ARHGAP10: variants seen among roughly 807,000 people sequenced by gnomAD.
ARHGAP10 encodes the protein Rho GTPase activating protein 10, also known as rho GTPase-activating protein 10.
A neutral mutation model predicts 108.6 loss-of-function variants in ARHGAP10; 87 were observed. The ratio of observed to expected loss-of-function variants is 0.80; its 90% CI spans 0.67 to 0.96. The LOEUF is 0.96. Among genes scored for constraint, ARHGAP10 ranks in the 40% least tolerant of loss-of-function variants. ARHGAP10 has a pLI of 0.00. For missense variants in ARHGAP10, 939 were observed against 954.5 expected (o/e 0.98, Z 0.21); for synonymous variants, 347 against 341.1 (o/e 1.02, Z -0.19).
intron 1 of ARHGAP10, among the ~76,000 whole-genome samples, chr4:147,791,978 T>G (rs1731143728): frequency 6.6e-6 from 1 of 152,236 alleles, no homozygotes; most frequent in Non-Finnish European, 1.5e-5. Flanking sequence ...GTGAACATTC[T>G]TATACATGTC....
chr4:147,765,281 A>C (rs1229963411), intron 1 of ARHGAP10, among the ~76,000 whole-genome samples: 1 of 148,568 alleles, frequency 6.7e-6, no homozygotes, highest in Non-Finnish European at 1.5e-5. Flanking sequence ...ATACCTGGAA[A>C]TATAAAGTAC....
At chr4:147,769,765 A>G (rs1161996477) in intron 1 of ARHGAP10, among the ~76,000 whole-genome samples, 1 of 152,150 alleles carries the variant, frequency 6.6e-6, no homozygotes, top group Non-Finnish European at 1.5e-5. Context: ...TTTTCAGATA[A>G]GAAACTATAG....
intron 1 of ARHGAP10, among the ~76,000 whole-genome samples, chr4:147,814,096 C>G (rs1200573682): frequency 6.6e-6 from 1 of 152,134 alleles, no homozygotes; most frequent in Non-Finnish European, 1.5e-5. Flanking sequence ...GGTGATTTCT[C>G]TCAGATCTAG....
chr4:147,817,673 C>T (rs921300997), intron 1 of ARHGAP10, among the ~76,000 whole-genome samples: 4 of 152,284 alleles, frequency 2.6e-5, no homozygotes, highest in Middle Eastern at 3.4e-3. Context: ...GATCAAGACA[C>T]AAAAATTCAA....
At chr4:147,939,086 A>G (rs1350192640) in intron 13 of ARHGAP10, among the ~76,000 whole-genome samples, 2 of 152,190 alleles carry the variant, frequency 1.3e-5, no homozygotes, top group African/African-American at 4.8e-5. Context: ...CCTTAATGCT[A>G]CTCAGTTTGC....
chr4:147,994,137 G>GA (rs1175215387), intron 18 of ARHGAP10, among the ~76,000 whole-genome samples: 1 of 152,340 alleles, frequency 6.6e-6, no homozygotes, highest in East Asian at 1.9e-4. Flanking sequence ...ACTGTCCCAA[G>GA]AAAAACAAGG....
At chr4:147,900,993 A>G (rs951974789) in intron 10 of ARHGAP10, among the ~76,000 whole-genome samples, 2 of 152,166 alleles carry the variant, frequency 1.3e-5, no homozygotes, top group African/African-American at 4.8e-5. Flanking sequence ...GTTCTTTACT[A>G]TTCTGAGATT....
intron 11 of ARHGAP10, among the ~76,000 whole-genome samples, chr4:147,909,450 C>A (rs1214477769): frequency 6.6e-6 from 1 of 152,182 alleles, no homozygotes; most frequent in African/African-American, 2.4e-5. Flanking sequence ...GATGGCCTAT[C>A]CAGGGGCTCT....
intron 1 of ARHGAP10, among the ~76,000 whole-genome samples, chr4:147,748,067 G>A (rs969884144): frequency 6.6e-6 from 1 of 152,168 alleles, no homozygotes; most frequent in African/African-American, 2.4e-5. Context: ...TGTTCGTAGT[G>A]CTGAGGTTGA....
At chr4:147,989,884 T>C (rs1740204055) in intron 18 of ARHGAP10, among the ~76,000 whole-genome samples, 2 of 152,334 alleles carry the variant, frequency 1.3e-5, no homozygotes, top group Non-Finnish European at 1.5e-5. Context: ...GTGATAAGTG[T>C]CCATGAAATC....
At chr4:147,937,910 T>G (rs1738017997) in intron 13 of ARHGAP10, among the ~76,000 whole-genome samples, 1 of 152,088 alleles carries the variant, frequency 6.6e-6, no homozygotes, top group South Asian at 2.1e-4. Flanking sequence ...ACCTGTGAGG[T>G]GGAGGTTGCA....
rs1736657499 is a variant in ARHGAP10 at position 147,909,730 on chromosome 4, A to G, written c.1117-2A>G. On this transcript the variant is annotated splice_acceptor_variant, in intron 11 of 22. Coordinates refer to ENST00000336498, the MANE Select transcript of ARHGAP10 (RefSeq NM_024605.4). LOFTEE classifies it high-confidence loss of function. Reference sequence around the variant, plus strand: ...TTCTGTTTTTCCATTCTCTTTTATTAGCTGTCCCATAGTTTTAATACAGCC... The same window carrying G: ...TTCTGTTTTTCCATTCTCTTTTATTGGCTGTCCCATAGTTTTAATACAGCC... The G allele has an allele frequency of 4.3e-6, 7 of 1,610,558 alleles. No individual in the cohort carries two copies. The East Asian group carries it at 1.6e-4, about 36-fold the overall frequency.
chr4:148,044,137 A>G (rs1728772775), intron 19 of ARHGAP10, among the ~76,000 whole-genome samples: 1 of 152,168 alleles, frequency 6.6e-6, no homozygotes, highest in African/African-American at 2.4e-5. Flanking sequence ...AGGAAGGAAG[A>G]GAGAACTCTC....
chr4:148,046,644 C>T (rs1323206886), intron 19 of ARHGAP10, among the ~76,000 whole-genome samples: 1 of 152,036 alleles, frequency 6.6e-6, no homozygotes, highest in African/African-American at 2.4e-5. Context: ...TTTTATCTTC[C>T]ATTATCTGAT....
chr4:147,736,736 C>T (rs902030238), intron 1 of ARHGAP10, among the ~76,000 whole-genome samples: 19 of 152,164 alleles, frequency 1.2e-4, no homozygotes, highest in Non-Finnish European at 1.5e-4. Context: ...AATAAAATCA[C>T]CTGGGGGAAC....
chr4:148,017,016 G>A (rs1409940717), intron 18 of ARHGAP10, among the ~76,000 whole-genome samples: 3 of 150,940 alleles, frequency 2.0e-5, no homozygotes, highest in East Asian at 1.9e-4. Context: ...CCAGCTGGGC[G>A]TGGTGGTACA....
chr4:147,887,704 A>G (rs1187725952), intron 10 of ARHGAP10, among the ~76,000 whole-genome samples: 2 of 151,910 alleles, frequency 1.3e-5, no homozygotes, highest in African/African-American at 4.8e-5. Context: ...TCTACTAAAA[A>G]TACAAAAATT....
chr4:147,732,545 G>C (rs1728260124), intron 1 of ARHGAP10, 90 bp downstream of exon 1: 3 of 1,530,482 alleles, frequency 2.0e-6, no homozygotes, highest in East Asian at 2.4e-5. Context: ...TCTTGTGTCC[G>C]GGGCCAGCAG....
chr4:147,802,478 C>G (rs996771411), intron 1 of ARHGAP10, among the ~76,000 whole-genome samples: 1 of 152,206 alleles, frequency 6.6e-6, no homozygotes, highest in Non-Finnish European at 1.5e-5. Context: ...TTTACTGGCT[C>G]AGACTCAAAG....
Sources: gnomAD v4.1 joint callset for allele counts (sites outside exome capture counted in the v4.1 genomes callset) on GRCh38, gnomAD v4.1.1 for gene constraint, MANE v1.5 for transcripts, NCBI Gene and HGNC (gene_info 2026-07-23, HGNC 2026-07-21) for gene names.